The following SYNE1 variants were observed in gnomAD, a reference collection of about 807,000 sequenced individuals.
SYNE1 encodes spectrin repeat containing nuclear envelope protein 1, also known as nesprin-1.
A neutral mutation model predicts 1,111.0 loss-of-function variants in SYNE1; 616 were observed. The ratio of observed to expected loss-of-function variants is 0.55; its 90% CI spans 0.52 to 0.59. The LOEUF is 0.59. Ranked by LOEUF, SYNE1 falls within the 20% of genes least tolerant of loss-of-function variation. The pLI, the probability that SYNE1 is intolerant of heterozygous loss-of-function variation, is 0.00. For synonymous variants in SYNE1, 3,855 were observed against 3,825.8 expected (o/e 1.01, Z -0.28); for missense variants, 10,006 against 10,417.0 (o/e 0.96, Z 1.72).
chr6:152,423,683 C>T (rs2098305587), intron 39 of SYNE1, among the ~76,000 whole-genome samples: 2 of 152,226 alleles, frequency 1.3e-5, no homozygotes, highest in South Asian at 2.1e-4. Flanking sequence ...CTTAAGAAGG[C>T]AGAACCCCAA....
In SYNE1 at chr6:152,396,822, G is replaced by A; in HGVS notation, c.7509C>T (p.Cys2503=). 6.2e-7 allele frequency: 1 copy of A among 1,614,078 alleles called. No individual in the cohort carries two copies. Among genetic ancestry groups the A allele is most frequent in the Non-Finnish European group, 8.5e-7 (1 of 1,180,004 alleles). The change falls in exon 50 of 146, where the codon TGC becomes TGT. Residue 2503 remains cysteine (C), a synonymous_variant. Transcript: ENST00000367255. The part of the protein sequence containing the change: ...NEEFQAFLKQ[C]LKDKQALQDC... The stretch of plus-strand genomic sequence containing the variant: ...CTTGAAGAGCCTGCTTATCTTTAAG[G>A]CATTGTTTCAGAAATGCTTGAAACT...
chr6:152,415,282 C>G (rs901380061), intron 41 of SYNE1, among the ~76,000 whole-genome samples: 5 of 152,198 alleles, frequency 3.3e-5, no homozygotes, highest in Non-Finnish European at 7.3e-5. Flanking sequence ...AATGAACTCA[C>G]CTGACAAAAG....
chr6:152,534,075 C>T (rs1269967091), intron 4 of SYNE1, among the ~76,000 whole-genome samples: 2 of 151,964 alleles, frequency 1.3e-5, no homozygotes, highest in Non-Finnish European at 2.9e-5. Context: ...AGGAAAATCA[C>T]TTGAACTCGG....
intron 76 of SYNE1, chr6:152,335,473 T>C (rs1414020747): frequency 6.6e-6 from 1 of 152,174 alleles, no homozygotes; most frequent in Non-Finnish European, 1.5e-5. Flanking sequence ...ATTAAATTTC[T>C]AGGATGGTTC....
intron 91 of SYNE1, 106 bp from the exon 92 acceptor site, chr6:152,302,169 C>T (rs2095207880): frequency 6.6e-7 from 1 of 1,508,622 alleles, no homozygotes; most frequent in Non-Finnish European, 9.1e-7. Context: ...CGCAGAGCCG[C>T]GCGGGCCCGG....
At chr6:152,385,903 A>C in intron 54 of SYNE1, 65 bp from the exon 55 acceptor site, 1 of 1,513,150 alleles carries the variant, frequency 6.6e-7, no homozygotes, top group Non-Finnish European at 9.2e-7. Flanking sequence ...CAGGTAAGAC[A>C]ACAGGCCTGA....
intron 29 of SYNE1, among the ~76,000 whole-genome samples, chr6:152,444,980 A>T (rs994689188): frequency 1.3e-5 from 2 of 152,074 alleles, no homozygotes; most frequent in Non-Finnish European, 2.9e-5. Flanking sequence ...CAGATCTTTA[A>T]CTTTTATTCT....
chr6:152,249,328 A>T, intron 104 of SYNE1, 66 bp from the exon 105 acceptor site: 1 of 905,102 alleles, frequency 1.1e-6, no homozygotes, highest in Non-Finnish European at 1.9e-6. Context: ...TTGTAAATAT[A>T]ACACAGATTC....
At chr6:152,357,998 G>A (rs1483475893) in intron 66 of SYNE1, among the ~76,000 whole-genome samples, 1 of 152,162 alleles carries the variant, frequency 6.6e-6, no homozygotes, top group African/African-American at 2.4e-5. Context: ...ATTGCCACTA[G>A]TTTGACTTTG....
At chr6:152,292,800 C>T (rs1468027940) in intron 95 of SYNE1, among the ~76,000 whole-genome samples, 1 of 152,154 alleles carries the variant, frequency 6.6e-6, no homozygotes, top group Non-Finnish European at 1.5e-5. Context: ...GTCACATGCT[C>T]CTGGGTTCTT....
At chr6:152,186,135 A>G (rs1269631881) in intron 128 of SYNE1, among the ~76,000 whole-genome samples, 1 of 152,210 alleles carries the variant, frequency 6.6e-6, no homozygotes, top group African/African-American at 2.4e-5. Flanking sequence ...GAATAATAAC[A>G]CAATGCCACA....
chr6:152,385,885 C>A (rs2097520020), intron 54 of SYNE1, 47 bp from the exon 55 acceptor site: 1 of 1,598,378 alleles, frequency 6.3e-7, no homozygotes, highest in South Asian at 1.1e-5. Context: ...CTTTTGAGAA[C>A]ATGAACTCAG....
intron 115 of SYNE1, among the ~76,000 whole-genome samples, chr6:152,228,093 A>G (rs1485808538): frequency 1.3e-5 from 2 of 152,358 alleles, no homozygotes; most frequent in African/African-American, 2.4e-5. Context: ...CACCAATTTA[A>G]GTATACTGGC....
At chr6:152,207,162 G>A (rs1230655579) in intron 125 of SYNE1, among the ~76,000 whole-genome samples, 1 of 152,138 alleles carries the variant, frequency 6.6e-6, no homozygotes, top group East Asian at 1.9e-4. Context: ...ACAAGGAGAA[G>A]TATAGCTCTC....
At chr6:152,550,899 T>C (rs1317710025) in intron 3 of SYNE1, among the ~76,000 whole-genome samples, 1 of 152,052 alleles carries the variant, frequency 6.6e-6, no homozygotes, top group African/African-American at 2.4e-5. Context: ...GTTGTGTGAA[T>C]CACACAGAAG....
rs2673776 is a variant in SYNE1 at position 152,201,677 on chromosome 6, T to G, written c.23145+147A>C. 636,377 of 1,103,282 alleles carry G rather than the reference T, an allele frequency of 0.58. 185,608 individuals are homozygous for G. Among genetic ancestry groups the G allele is most frequent in the Admixed American group, 0.67 (35,447 of 52,650 alleles). The allele number at this position is 1,103,282 out of a possible 1,614,324, so 68.3% of individuals were successfully genotyped here. ...AACTGCAATAAATCAGCCATACAAG[T>G]TTCACCTGAGTTGCCTGTCCTTATG... On this transcript the variant is annotated intron_variant, in intron 127 of 145. Transcript: ENST00000367255.
Position 152,150,670 on chromosome 6 carries a change from T to G in SYNE1, c.24450+883A>C, listed in dbSNP as rs192173156. ...CTTCCTTGGAAAACACTCAATTTGTTAAATACTCCCACTTTTAGGAAATCC... is the reference window on the plus strand; with the variant it reads ...CTTCCTTGGAAAACACTCAATTTGTGAAATACTCCCACTTTTAGGAAATCC... On this transcript the variant is annotated intron_variant, in intron 135 of 145. Coordinates refer to ENST00000367255, the MANE Select transcript of SYNE1 (RefSeq NM_182961.4). Among the ~76,000 whole-genome samples, 34 of 152,346 alleles carry G rather than the reference T, an allele frequency of 2.2e-4. No homozygotes were observed. The East Asian group carries it at 4.8e-3, about 22-fold the overall frequency.
At chr6:152,154,150 G>T (rs2060926380) in intron 133 of SYNE1, among the ~76,000 whole-genome samples, 1 of 152,076 alleles carries the variant, frequency 6.6e-6, no homozygotes, top group African/African-American at 2.4e-5. Flanking sequence ...TTTAAAAATG[G>T]TCAATTTTGG....
At position 152,242,317 on chromosome 6, in the gene SYNE1, G is replaced by C. The variant is rs1464459361; in HGVS notation, c.19816C>G (p.Gln6606Glu). Residue 6606 changes from glutamine to glutamate, a missense_variant, in exon 107 of 146, where the codon CAG becomes GAG. By Grantham distance (29) the Gln-to-Glu change is conservative. Around this residue, in one of 7 missense-constraint regions of SYNE1, gnomAD observed 2,182 missense variants for 2,287.8 expected, o/e 0.95. Transcript: ENST00000367255. ...QDLADLLETG[Q>E]EKMAGDQKII... is the part of the protein sequence containing the mutation. ...TTCTGGTCTCCTGCCATCTTCTCCT[G>C]ACCAGTTTCTAGCAGGTCAGCCAGA... 6.2e-7 allele frequency: 1 copy of C among 1,614,004 alleles called. No homozygotes were observed. Among genetic ancestry groups the C allele is most frequent in the Middle Eastern group, 1.6e-4 (1 of 6,062 alleles).
Sources: allele counts gnomAD v4.1 joint callset (sites outside exome capture counted in the v4.1 genomes callset), GRCh38; gene constraint gnomAD v4.1.1; regional missense constraint gnomAD v4.1.1; transcripts MANE v1.5; gene names NCBI Gene and HGNC (gene_info 2026-07-23, HGNC 2026-07-21).